The following EPHA3 variants were observed in gnomAD, a reference collection of about 807,000 sequenced individuals.
EPHA3 encodes the protein EPH receptor A3, also known as ephrin type-A receptor 3.
A neutral mutation model predicts 107.1 loss-of-function variants in EPHA3; 42 were observed. That is an observed-to-expected ratio of 0.39 (90% CI 0.31 to 0.51). The LOEUF is 0.51. Ranked by LOEUF, EPHA3 falls within the 20% of genes least tolerant of loss-of-function variation. EPHA3 has a pLI of 0.78. For synonymous variants in EPHA3, 461 were observed against 424.8 expected (o/e 1.09, Z -1.05); for missense variants, 1,183 against 1,211.2 (o/e 0.98, Z 0.35).
chr3:89,340,599 G>C (rs1001089220), intron 3 of EPHA3, among the ~76,000 whole-genome samples: 1 of 152,152 alleles, frequency 6.6e-6, no homozygotes, highest in Non-Finnish European at 1.5e-5. Flanking sequence ...ATGGTGACAT[G>C]GTTTTGCTTT....
intron 3 of EPHA3, among the ~76,000 whole-genome samples, chr3:89,334,116 G>A (rs1576317539): frequency 6.6e-6 from 1 of 152,054 alleles, no homozygotes; most frequent in Non-Finnish European, 1.5e-5. Context: ...TGTGGGAAGG[G>A]GATGACTATC....
At chr3:89,202,529 AAAAAAATATAT>A (rs1427788309) in intron 2 of EPHA3, among the ~76,000 whole-genome samples, 3,183 of 36,614 alleles carry the variant, frequency 0.087, 32 homozygotes, top group South Asian at 0.19. Flanking sequence ...AAAAAAAAAA[AAAAAAATATAT>A]ATATATATAT....
At chr3:89,124,763 G>A (rs1269115863) in intron 1 of EPHA3, among the ~76,000 whole-genome samples, 1 of 151,966 alleles carries the variant, frequency 6.6e-6, no homozygotes, top group Middle Eastern at 3.2e-3. Context: ...ATAATTGATA[G>A]ACAATAGAAT....
intron 15 of EPHA3, among the ~76,000 whole-genome samples, chr3:89,468,300 C>A (rs1246297838): frequency 6.6e-6 from 1 of 151,748 alleles, no homozygotes; most frequent in Non-Finnish European, 1.5e-5. Context: ...CATAAACAGA[C>A]AAACTCAGTT....
intron 13 of EPHA3, among the ~76,000 whole-genome samples, chr3:89,432,997 C>A (rs1254463248): frequency 6.6e-6 from 1 of 151,876 alleles, no homozygotes; most frequent in Non-Finnish European, 1.5e-5. Flanking sequence ...ATTAATTGGG[C>A]AGAATTACAA....
At chr3:89,286,645 G>A (rs544130687) in intron 3 of EPHA3, among the ~76,000 whole-genome samples, 1 of 152,242 alleles carries the variant, frequency 6.6e-6, no homozygotes, top group African/African-American at 2.4e-5. Context: ...TGTGTTCTTG[G>A]CAATGGAAAA....
chr3:89,233,085 G>A (rs1034720841), intron 3 of EPHA3, among the ~76,000 whole-genome samples: 6 of 151,934 alleles, frequency 3.9e-5, no homozygotes, highest in Non-Finnish European at 8.8e-5. Flanking sequence ...AAATACTTAC[G>A]TTACAAGGTA....
rs147450955 is a variant in EPHA3, at chr3:89,407,320, C to T, written c.1646C>T (p.Ala549Val). The T allele has an allele frequency of 8.5e-5, 137 of 1,613,560 alleles. No homozygotes were observed. Among genetic ancestry groups the T allele is most frequent in the South Asian group, 5.7e-4 (52 of 91,070 alleles). Residue 549 changes from alanine (A) to valine (V), a missense_variant, in exon 8 of 17, where the codon GCG (alanine) becomes GTG (valine). Ala to Val is a moderately conservative substitution (Grantham distance 64, BLOSUM62 0). Transcript: ENST00000336596. ...SSQVVMIAIS[A>V]AVAIILLTVV... is the part of the protein sequence containing the mutation. ...CAAGTGGTCATGATCGCCATTTCAG[C>T]GGCAGTAGCAATTATTCTCCTCACT...
At chr3:89,139,559 A>G (rs1484425265) in intron 2 of EPHA3, among the ~76,000 whole-genome samples, 1 of 151,884 alleles carries the variant, frequency 6.6e-6, no homozygotes, top group Non-Finnish European at 1.5e-5. Flanking sequence ...GTTTATTGAT[A>G]GAGCTGCTTC....
Position 89,450,254 on chromosome 3 carries a change from G to A in EPHA3, c.2574G>A (p.Leu858=), listed in dbSNP as rs2107555108. The change falls in exon 15 of 17, where the codon CTG becomes CTA. Residue 858 remains leucine, a synonymous_variant. Transcript: ENST00000336596. Reference sequence around the variant, plus strand: ...CAGCTGCCTTGTATCAGCTGATGCTGGACTGCTGGCAGAAAGACAGGAACA... The same window carrying A: ...CAGCTGCCTTGTATCAGCTGATGCTAGACTGCTGGCAGAAAGACAGGAACA... ...DCPAALYQLM[L]DCWQKDRNNR... 1.2e-6 allele frequency: 2 copies of A among 1,613,940 alleles called. No individual in the cohort carries two copies. Among genetic ancestry groups the A allele is most frequent in the Non-Finnish European group, 8.5e-7 (1 of 1,179,916 alleles).
intron 6 of EPHA3, among the ~76,000 whole-genome samples, chr3:89,398,327 T>A (rs1708890927): frequency 6.6e-6 from 1 of 152,208 alleles, no homozygotes; most frequent in Admixed American, 6.5e-5. Flanking sequence ...AGAAAAAACG[T>A]AATTCTTGAT....
intron 7 of EPHA3, among the ~76,000 whole-genome samples, chr3:89,405,878 G>A (rs1339198342): frequency 6.6e-6 from 1 of 152,108 alleles, no homozygotes; most frequent in Admixed American, 6.6e-5. Flanking sequence ...TAGGAGATGT[G>A]GCTGGGGATT....
chr3:89,374,231 C>T (rs1356093496), intron 5 of EPHA3, among the ~76,000 whole-genome samples: 1 of 151,860 alleles, frequency 6.6e-6, no homozygotes, highest in Non-Finnish European at 1.5e-5. Flanking sequence ...GAGCCAGACA[C>T]ATCTTGAGGC....
intron 3 of EPHA3, among the ~76,000 whole-genome samples, chr3:89,265,546 A>T (rs1282858560): frequency 6.6e-6 from 1 of 152,182 alleles, no homozygotes; most frequent in Admixed American, 6.5e-5. Context: ...GGCTTTTATT[A>T]TTTAAATTAA....
chr3:89,261,497 A>G (rs1048670533), intron 3 of EPHA3, among the ~76,000 whole-genome samples: 1 of 152,042 alleles, frequency 6.6e-6, no homozygotes, highest in Non-Finnish European at 1.5e-5. Flanking sequence ...AGTTGTGTGC[A>G]TTGTCTCTTT....
intron 2 of EPHA3, among the ~76,000 whole-genome samples, chr3:89,203,788 T>TA (rs1283020106): frequency 7.3e-5 from 11 of 151,092 alleles, no homozygotes; most frequent in African/African-American, 1.5e-4. Context: ...AAAAAATAAA[T>TA]AAATAAAATA....
intron 11 of EPHA3, among the ~76,000 whole-genome samples, chr3:89,426,658 C>T (rs1300660277): frequency 6.6e-6 from 1 of 151,668 alleles, no homozygotes; most frequent in Non-Finnish European, 1.5e-5. Flanking sequence ...GGCTGGGAGC[C>T]AGAAGGAAAG....
chr3:89,240,847 G>A (rs1704878046), intron 3 of EPHA3, among the ~76,000 whole-genome samples: 1 of 151,872 alleles, frequency 6.6e-6, no homozygotes, highest in Non-Finnish European at 1.5e-5. Context: ...AGACAATTGA[G>A]TTCAATAATT....
chr3:89,394,920 C>T lies in EPHA3; in HGVS notation c.1307-917C>T, dbSNP rs187880482. Among the ~76,000 whole-genome samples, 188 of 152,148 alleles carry T rather than the reference C, an allele frequency of 1.2e-3. 2 individuals carry two copies. The highest frequency in any genetic ancestry group is 4.2e-3 in the African/African-American group (176 of 41,510). On this transcript the variant is annotated intron_variant, in intron 5 of 16. Coordinates refer to ENST00000336596, the MANE Select transcript of EPHA3 (RefSeq NM_005233.6). Reference sequence around the variant, plus strand: ...TGAGACATTTCGATTGGCGAGTGAACCAAGATTGAGATTTGAAAGCAGAAG... The same window carrying T: ...TGAGACATTTCGATTGGCGAGTGAATCAAGATTGAGATTTGAAAGCAGAAG...
Sources: allele counts gnomAD v4.1 joint callset (sites outside exome capture counted in the v4.1 genomes callset), GRCh38; gene constraint gnomAD v4.1.1; transcripts MANE v1.5; gene names NCBI Gene and HGNC (gene_info 2026-07-23, HGNC 2026-07-21).